Variants in TTC34 observed in about 807,000 individuals in gnomAD.
The protein encoded by TTC34 is tetratricopeptide repeat domain 34, also known as tetratricopeptide repeat protein 34.
TTC34 carries 44 observed loss-of-function variants against 40.7 expected under a neutral mutation model. The ratio of observed to expected loss-of-function variants is 1.08; its 90% CI spans 0.85 to 1.39. The LOEUF is 1.39. TTC34 is among the 40% of genes most tolerant of loss of function. The probability of loss-of-function intolerance (pLI) is 0.00; values close to 1 mark genes in which losing one functional copy is unlikely to be tolerated. For missense variants in TTC34, 884 were observed against 838.0 expected, an observed-to-expected ratio of 1.05 and a Z score of -0.68; for synonymous variants, 422 against 398.6, an observed-to-expected ratio of 1.06 and a Z score of -0.70.
intron 6 of TTC34, among the ~76,000 whole-genome samples, chr1:2,773,250 A>G (rs374726535): frequency 2.3e-3 from 248 of 108,994 alleles, no homozygotes; most frequent in East Asian, 0.021. Flanking sequence ...CTGGAGCAGC[A>G]CCCACACCCC....
At chr1:2,641,426 A>G (rs1343847360) in exon 9 of TTC34, 2 of 1,534,352 alleles carry the variant, frequency 1.3e-6, no homozygotes, top group Non-Finnish European at 1.7e-6. Context: ...CAGTCTCTTC[A>G]GGCCACGGTG....
chr1:2,752,675 C>A (rs1277207306), intron 6 of TTC34, among the ~76,000 whole-genome samples: 1 of 134,846 alleles, frequency 7.4e-6, no homozygotes, highest in African/African-American at 3.0e-5. Context: ...ATCTGACAAC[C>A]TGCAACAGCA....
intron 6 of TTC34, among the ~76,000 whole-genome samples, chr1:2,655,937 C>G: frequency 1.3e-5 from 2 of 152,064 alleles, no homozygotes; most frequent in South Asian, 4.1e-4. Context: ...ACCCACAGCC[C>G]AAGGTGAGCA....
chr1:2,647,806 GTTTTGTT>G (rs961510414), intron 6 of TTC34, among the ~76,000 whole-genome samples: 8 of 152,110 alleles, frequency 5.3e-5, no homozygotes, highest in African/African-American at 1.2e-4. Flanking sequence ...TTGAAACAGA[GTTTTGTT>G]TTTTGTTTTT....
At chr1:2,647,687 C>T (rs904296368) in intron 6 of TTC34, among the ~76,000 whole-genome samples, 10 of 152,076 alleles carry the variant, frequency 6.6e-5, no homozygotes, top group Non-Finnish European at 1.2e-4. Flanking sequence ...CTCACTCTGT[C>T]GCCCAGGCTG....
chr1:2,788,475 C>A (rs1569967180), intron 3 of TTC34, among the ~76,000 whole-genome samples: 1 of 131,904 alleles, frequency 7.6e-6, no homozygotes, highest in Non-Finnish European at 1.5e-5. Context: ...ATCAATGATG[C>A]CCCTCCAAGA....
At chr1:2,749,788 T>C (rs1641257735) in intron 6 of TTC34, among the ~76,000 whole-genome samples, 2 of 57,474 alleles carry the variant, frequency 3.5e-5, no homozygotes, top group Non-Finnish European at 6.5e-5. Context: ...TCTGACAGCA[T>C]GTATCAGCAC....
chr1:2,752,727 C>T lies in TTC34; in HGVS notation c.2226+30882G>A, dbSNP rs1212285497. Among the ~76,000 whole-genome samples the T allele has an allele frequency of 2.3e-5, 3 of 131,000 alleles. 1 individual carries two copies. Among genetic ancestry groups the T allele is most frequent in the South Asian group, 5.3e-4 (2 of 3,756 alleles). 85.9% of individuals were successfully genotyped at this position (131,000 alleles called of 152,430 possible). ...AGCATCTGACAGCATGGAACAGCAC[C>T]CTGCACCCCCAGGACAGCATCTGAC... On this transcript the variant is annotated intron_variant, in intron 6 of 8. Transcript: ENST00000401095.
intron 6 of TTC34, among the ~76,000 whole-genome samples, chr1:2,691,743 T>A (rs1255779021): frequency 1.1e-4 from 6 of 54,894 alleles, no homozygotes; most frequent in East Asian, 6.1e-4. Flanking sequence ...AGCACCCACA[T>A]TCCCAGGCAA....
At chr1:2,694,614 C>T (rs1442097174) in intron 6 of TTC34, among the ~76,000 whole-genome samples, 3 of 41,914 alleles carry the variant, frequency 7.2e-5, no homozygotes, top group East Asian at 6.1e-4. Context: ...TCTGAAACCA[C>T]GGAGCAGCAC....
intron 6 of TTC34, among the ~76,000 whole-genome samples, chr1:2,699,331 CT>C (rs1641019739): frequency 7.4e-6 from 1 of 134,902 alleles, no homozygotes; most frequent in Non-Finnish European, 1.7e-5. Flanking sequence ...GCAGCCACAA[CT>C]CCAGGCGAGC....
intron 2 of TTC34, among the ~76,000 whole-genome samples, chr1:2,797,491 C>T (rs1643719845): frequency 6.6e-6 from 1 of 152,214 alleles, no homozygotes. Context: ...CTCCTCTCAC[C>T]TCAGGGCTCA....
At chr1:2,750,047 T>A (rs1483746742) in intron 6 of TTC34, among the ~76,000 whole-genome samples, 7 of 11,628 alleles carry the variant, frequency 6.0e-4, no homozygotes, top group South Asian at 3.6e-3. Context: ...ACCCACACCC[T>A]CAGGTGAGCA....
At chr1:2,777,868 T>C (rs1643336934) in intron 6 of TTC34, among the ~76,000 whole-genome samples, 2 of 152,178 alleles carry the variant, frequency 1.3e-5, no homozygotes, top group East Asian at 3.8e-4. Flanking sequence ...CAGGATCCTG[T>C]GGTACCCCTT....
In TTC34 at chr1:2,647,478, A is replaced by G. The variant is rs1639043191; in HGVS notation, c.2227-1915T>C. Among the ~76,000 whole-genome samples the G allele has an allele frequency of 3.3e-5, 5 of 152,252 alleles. No homozygotes were observed. In the South Asian group the frequency reaches 6.2e-4, roughly 19 times the overall value. On this transcript the variant is annotated intron_variant, in intron 6 of 8. Transcript: ENST00000401095. The stretch of plus-strand genomic sequence containing the variant: ...TCTCTACTAAAAATACAATAAAAAT[A>G]CAAAACTTAGCCAGGCATAGTGGTG...
intron 6 of TTC34, among the ~76,000 whole-genome samples, chr1:2,753,034 A>C (rs1373552740): frequency 2.6e-4 from 38 of 147,876 alleles, no homozygotes; most frequent in East Asian, 8.1e-4. Flanking sequence ...AGCATCCGAC[A>C]GCCTGGAGCA....
chr1:2,683,693 A>C (rs1333517690), intron 6 of TTC34, among the ~76,000 whole-genome samples: 3 of 145,448 alleles, frequency 2.1e-5, no homozygotes, highest in Non-Finnish European at 4.5e-5. Context: ...ACGATCTGAC[A>C]GCCTGGAACA....
intron 6 of TTC34, among the ~76,000 whole-genome samples, chr1:2,759,396 AC>A (rs1310721495): frequency 2.1e-5 from 2 of 93,360 alleles, no homozygotes; most frequent in African/African-American, 9.6e-5. Context: ...CAGCACCCAC[AC>A]CCCCAGGTGG....
chr1:2,643,148 G>T (rs146547786), intron 8 of TTC34, among the ~76,000 whole-genome samples: 4 of 152,160 alleles, frequency 2.6e-5, no homozygotes, highest in African/African-American at 9.7e-5. Flanking sequence ...AGTGGGGAAG[G>T]GCGCTCAATC....
Sources: gnomAD v4.1 joint callset for allele counts (sites outside exome capture counted in the v4.1 genomes callset) on GRCh38, gnomAD v4.1.1 for gene constraint, MANE v1.5 for transcripts, NCBI Gene and HGNC (gene_info 2026-07-23, HGNC 2026-07-21) for gene names.